The following TASOR2 variants were observed in gnomAD, a reference collection of about 807,000 sequenced individuals.
TASOR2 encodes the protein transcription activation suppressor family member 2, also known as protein TASOR 2.
A neutral mutation model predicts 199.5 loss-of-function variants in TASOR2; 84 were observed. The ratio of observed to expected loss-of-function variants is 0.42; its 90% CI spans 0.35 to 0.50. The LOEUF (loss-of-function observed/expected upper bound fraction) is 0.50, where lower values mean the gene tolerates loss of function less well. Among genes scored for constraint, TASOR2 ranks in the 20% least tolerant of loss-of-function variants. TASOR2 has a pLI of 0.02. For synonymous variants in TASOR2, 1,103 were observed against 1,046.6 expected (o/e 1.05, Z -1.04); for missense variants, 2,796 against 2,835.9 (o/e 0.99, Z 0.32).
chr10:5,687,712 C>T lies in TASOR2; in HGVS notation c.-288+2537C>T, dbSNP rs756488456. On this transcript the variant is annotated intron_variant, in intron 1 of 20. Transcript: ENST00000328090. The surrounding 1 kb of genome is among the most constrained non-coding windows in gnomAD (Gnocchi z 4.8). ...GCAGGTGCAGGTAGTCCCAGCTACT[C>T]GGGAGGCCGAGACAAGAGAATCACT... 2.0e-5 allele frequency among the ~76,000 whole-genome samples: 3 copies of T among 152,138 alleles called. No individual in the cohort carries two copies. Among genetic ancestry groups the T allele is most frequent in the African/African-American group, 4.8e-5 (2 of 41,412 alleles).
In TASOR2 at chr10:5,706,519, G is replaced by T. The variant is rs1003766673; in HGVS notation, c.-287-6304G>T. On this transcript the variant is annotated intron_variant, in intron 1 of 20. Coordinates refer to ENST00000328090, the Ensembl canonical transcript of TASOR2. The surrounding 1 kb of genome is among the most constrained non-coding windows in gnomAD (Gnocchi z 4.8). ...CCTTCCAAAAAAAAGAAAAGAAGCT[G>T]CTCAAAACAGACAAAATCTTTGATC... is the stretch of plus-strand genomic sequence containing the variant. Among the ~76,000 whole-genome samples the T allele has an allele frequency of 1.3e-5, 2 of 152,154 alleles. No homozygotes were observed. Among genetic ancestry groups the T allele is most frequent in the Non-Finnish European group, 2.9e-5 (2 of 68,036 alleles).
intron 1 of TASOR2, chr10:5,709,810 A>G (rs1462332617): frequency 1.5e-6 from 1 of 680,502 alleles, no homozygotes; most frequent in East Asian, 3.5e-5. Context: ...TAAAATAATC[A>G]TTAGTCCAAA....
chr10:5,725,975 TAA>T, intron 8 of TASOR2, among the ~76,000 whole-genome samples: 1 of 152,354 alleles, frequency 6.6e-6, no homozygotes, highest in South Asian at 2.1e-4. Context: ...TGTAATAATT[TAA>T]AAAGTCTTAT....
At chr10:5,708,588 C>T (rs1440424985) in intron 1 of TASOR2, among the ~76,000 whole-genome samples, 1 of 150,606 alleles carries the variant, frequency 6.6e-6, no homozygotes, top group East Asian at 1.9e-4. Flanking sequence ...TTTTCTCTCT[C>T]TTTCTCTATC....
In TASOR2 at chr10:5,689,051, T is replaced by G. The variant is rs1441940230; in HGVS notation, c.-288+3876T>G. Among the ~76,000 whole-genome samples, 3 of 152,150 alleles carry G rather than the reference T, an allele frequency of 2.0e-5. No homozygotes were observed. The highest frequency in any genetic ancestry group is 7.2e-5 in the African/African-American group (3 of 41,432). ...ATGGCTTTTATTGAAGATCTATTGA[T>G]GATGAACACTCAGTTTTTGTTCACC... On this transcript the variant is annotated intron_variant, in intron 1 of 20. Coordinates refer to ENST00000328090, the Ensembl canonical transcript of TASOR2. This position sits in a 1 kb window ranked among gnomAD's most constrained non-coding sequence, Gnocchi z 4.1.
At chr10:5,705,615 A>G (rs1838482016) in intron 1 of TASOR2, among the ~76,000 whole-genome samples, 1 of 152,182 alleles carries the variant, frequency 6.6e-6, no homozygotes, top group Admixed American at 6.5e-5. Flanking sequence ...AGTGTTCCAG[A>G]GGCTCCTCAT....
chr10:5,690,179 A>G lies in TASOR2; in HGVS notation c.-288+5004A>G, dbSNP rs1234263540. Among the ~76,000 whole-genome samples the G allele has an allele frequency of 5.9e-5, 9 of 152,178 alleles. No homozygotes were observed. Among genetic ancestry groups the G allele is most frequent in the Admixed American group, 5.9e-4 (9 of 15,278 alleles). ...TACCTACTTTATTATTACTCTACAA[A>G]TAACCAGCTTTTGCTTTTATTGCTT... On this transcript the variant is annotated intron_variant, in intron 1 of 20. Coordinates refer to ENST00000328090, the Ensembl canonical transcript of TASOR2. This position sits in a 1 kb window ranked among gnomAD's most constrained non-coding sequence, Gnocchi z 4.8.
exon 15 of TASOR2, chr10:5,747,891 A>G: frequency 1.9e-6 from 3 of 1,613,834 alleles, no homozygotes; most frequent in Non-Finnish European, 2.5e-6. Context: ...CAGGAAGAAC[A>G]GGTAGACCAA....
At chr10:5,713,510 G>A (rs373625244) in intron 2 of TASOR2, among the ~76,000 whole-genome samples, 6 of 152,120 alleles carry the variant, frequency 3.9e-5, no homozygotes, top group African/African-American at 1.4e-4. Context: ...TTAGTGCTTC[G>A]ATTAGGTTAA....
intron 1 of TASOR2, chr10:5,692,906 A>AC (rs1836633063): frequency 6.6e-6 from 1 of 152,234 alleles, no homozygotes; most frequent in African/African-American, 2.4e-5. Context: ...CACCCTCCCC[A>AC]ACACACCATG....
chr10:5,688,458 G>C (rs561152260), intron 1 of TASOR2, among the ~76,000 whole-genome samples: 1 of 126,678 alleles, frequency 7.9e-6, no homozygotes, highest in Non-Finnish European at 1.5e-5. Context: ...AGCTAGTCTC[G>C]AACTGCTGGC....
At chr10:5,749,531 G>A in exon 15 of TASOR2, 1 of 1,614,060 alleles carries the variant, frequency 6.2e-7, no homozygotes, top group East Asian at 2.2e-5. Context: ...AGGAGCAGAA[G>A]CCCCCTTCTG....
Position 5,752,732 on chromosome 10 carries a change from C to T in TASOR2, c.6606+2705C>T, listed in dbSNP as rs767708279. Among the ~76,000 whole-genome samples the T allele has an allele frequency of 2.6e-5, 4 of 152,234 alleles. No homozygotes were observed. Among genetic ancestry groups the T allele is most frequent in the Non-Finnish European group, 5.9e-5 (4 of 68,044 alleles). On this transcript the variant is annotated intron_variant, in intron 15 of 20. Transcript: ENST00000328090. This position sits in a 1 kb window ranked among gnomAD's most constrained non-coding sequence, Gnocchi z 4.4. ...TAAAGATTTCTTGGTCTGCCCTGCT[C>T]TTCTCATATGGAGGTGTGTAGCTGG...
intron 11 of TASOR2, among the ~76,000 whole-genome samples, chr10:5,733,089 A>G (rs930188267): frequency 6.6e-6 from 1 of 152,192 alleles, no homozygotes; most frequent in African/African-American, 2.4e-5. Context: ...GTTTTTAATT[A>G]TATCCACTGT....
chr10:5,749,697 C>T (rs766628472), exon 15 of TASOR2: 1 of 1,614,206 alleles, frequency 6.2e-7, no homozygotes, highest in South Asian at 1.1e-5. Flanking sequence ...CATTCCACCT[C>T]AACAAACTGA....
exon 15 of TASOR2, chr10:5,746,277 TGAA>T: frequency 6.2e-7 from 1 of 1,614,080 alleles, no homozygotes; most frequent in Non-Finnish European, 8.5e-7. Context: ...CTGTTCCTAG[TGAA>T]GAAGAAATTG....
exon 21 of TASOR2, chr10:5,763,106 CATGTGAAT>C (rs1840142107): frequency 7.2e-7 from 1 of 1,380,526 alleles, no homozygotes; most frequent in African/African-American, 1.4e-5. Flanking sequence ...AACTTGTGAA[CATGTGAAT>C]ACACATGTGA....
At chr10:5,725,421 A>T (rs1833934942) in intron 8 of TASOR2, among the ~76,000 whole-genome samples, 1 of 131,516 alleles carries the variant, frequency 7.6e-6, no homozygotes, top group Non-Finnish European at 1.6e-5. Flanking sequence ...AAAAAAAAAA[A>T]GATTGATTCA....
At chr10:5,695,629 A>G (rs540378604) in intron 1 of TASOR2, among the ~76,000 whole-genome samples, 2 of 152,338 alleles carry the variant, frequency 1.3e-5, no homozygotes, top group East Asian at 3.9e-4. Flanking sequence ...GTTCAATTGT[A>G]TACACTCTTT....
Sources: allele counts gnomAD v4.1 joint callset (sites outside exome capture counted in the v4.1 genomes callset), GRCh38; gene constraint gnomAD v4.1.1; non-coding constraint Gnocchi (gnomAD v3.1); transcripts MANE v1.5; gene names NCBI Gene and HGNC (gene_info 2026-07-23, HGNC 2026-07-21).